Variants in UGT1A4 observed in about 807,000 individuals in gnomAD.
UGT1A4 encodes the protein UDP-glucuronosyltransferase 1A4.
In UGT1A4, 32 loss-of-function variants were observed where a neutral mutation model predicts 41.1. The observed-to-expected ratio is 0.78, with a 90% CI of 0.59 to 1.05. The LOEUF (loss-of-function observed/expected upper bound fraction) is 1.05, where lower values mean the gene tolerates loss of function less well. UGT1A4 is among the 50% of genes least tolerant of loss of function. UGT1A4 has a pLI of 0.00. For synonymous variants in UGT1A4, 283 were observed against 265.1 expected, an observed-to-expected ratio of 1.07 and a Z score of -0.66; for missense variants, 748 against 677.4, an observed-to-expected ratio of 1.10 and a Z score of -1.16.
At position 233,768,249 on chromosome 2, in the gene UGT1A4, C is replaced by T. The variant is rs1699594140; in HGVS notation, c.1117C>T (p.His373Tyr). ...CCCGATGACCCGTGCCTTTATCACC[C>T]ATGCTGGTTCCCATGGTGTTTATGA... Reference protein sequence around the residue: ...GHPMTRAFITHAGSHGVYESI... With the variant: ...GHPMTRAFITYAGSHGVYESI... Residue 373 changes from histidine to tyrosine, a missense_variant, in exon 4 of 5, where the codon CAT (histidine) becomes TAT (tyrosine). His to Tyr is a moderately conservative substitution (Grantham distance 83). Transcript: ENST00000373409. The T allele has an allele frequency of 6.2e-7, 1 of 1,614,198 alleles. No homozygotes were observed. The highest frequency in any genetic ancestry group is 8.5e-7 in the Non-Finnish European group (1 of 1,180,036).
chr2:233,720,168 A>G (rs957295954), intron 1 of UGT1A4, among the ~76,000 whole-genome samples: 6 of 152,154 alleles, frequency 3.9e-5, no homozygotes, highest in Non-Finnish European at 7.3e-5. Context: ...AGTGTCAAAG[A>G]GGTTGACTCA....
intron 1 of UGT1A4, among the ~76,000 whole-genome samples, chr2:233,724,562 G>T (rs1169483427): frequency 1.1e-4 from 14 of 128,924 alleles, no homozygotes; most frequent in Non-Finnish European, 2.0e-4. Flanking sequence ...TCCCAGATGG[G>T]GCGGCGGGGC....
At chr2:233,742,811 A>G (rs1335727618) in intron 1 of UGT1A4, 2 of 153,508 alleles carry the variant, frequency 1.3e-5, no homozygotes, top group Non-Finnish European at 2.9e-5. Flanking sequence ...AAGTATTGAT[A>G]TTATTTGTAG....
At chr2:233,743,407 C>T in intron 1 of UGT1A4, 1 of 1,313,416 alleles carries the variant, frequency 7.6e-7, no homozygotes, top group Non-Finnish European at 1.0e-6. Flanking sequence ...AGAAAGGCCC[C>T]CACTTCCCAG....
chr2:233,750,385 TG>T (rs1415350157), intron 1 of UGT1A4, among the ~76,000 whole-genome samples: 2 of 151,950 alleles, frequency 1.3e-5, no homozygotes, highest in Non-Finnish European at 2.9e-5. Flanking sequence ...CATAAAAGTT[TG>T]GAAAATTTGC....
chr2:233,743,882 C>T (rs779162939), intron 1 of UGT1A4: 31 of 1,366,974 alleles, frequency 2.3e-5, no homozygotes, highest in African/African-American at 3.0e-5. Context: ...TGAGGCCTGC[C>T]GGGGCACGTC....
chr2:233,729,232 A>T, intron 1 of UGT1A4: 1 of 1,614,202 alleles, frequency 6.2e-7, no homozygotes, highest in African/African-American at 1.3e-5. Flanking sequence ...GGTGGTGCCC[A>T]TTGATGGCAG....
At chr2:233,772,139 G>C in intron 4 of UGT1A4, 123 bp from the exon 5 acceptor site, 1 of 1,548,574 alleles carries the variant, frequency 6.5e-7, no homozygotes, top group Non-Finnish European at 8.7e-7. Context: ...AACAATAATA[G>C]AAACAGGTTT....
At chr2:233,754,838 G>A (rs1298035120) in intron 1 of UGT1A4, 8 of 1,343,666 alleles carry the variant, frequency 6.0e-6, no homozygotes, top group South Asian at 1.1e-5. Context: ...GAAATTCACT[G>A]AAGGCAGAGA....
chr2:233,719,086 T>C lies in UGT1A4; in HGVS notation c.266T>C (p.Phe89Ser), dbSNP rs374586565. ...AYAVPWTQKE[F>S]DRVTLGYTQG... The stretch of plus-strand genomic sequence containing the variant: ...GCTGTTCCATGGACCCAGAAGGAAT[T>C]TGATCGCGTTACGCTGGGCTACACT... Residue 89 changes from phenylalanine to serine, a missense_variant, in exon 1 of 5, where the codon TTT becomes TCT. Phe to Ser is a radical substitution (Grantham distance 155). Transcript: ENST00000373409. 69 of 1,614,132 alleles carry C rather than the reference T, an allele frequency of 4.3e-5. No individual in the cohort carries two copies. The highest frequency in any genetic ancestry group is 5.4e-5 in the Non-Finnish European group (64 of 1,180,050).
At chr2:233,740,911 C>A (rs1291553695) in intron 1 of UGT1A4, 2 of 130,742 alleles carry the variant, frequency 1.5e-5, no homozygotes, top group Non-Finnish European at 1.6e-5. Context: ...CAACATTGTT[C>A]CCATCTCCAC....
chr2:233,729,457 T>C, intron 1 of UGT1A4: 1 of 1,614,120 alleles, frequency 6.2e-7, no homozygotes, highest in Non-Finnish European at 8.5e-7. Flanking sequence ...GAAGAAATTT[T>C]TCAGAAGTAT....
intron 1 of UGT1A4, among the ~76,000 whole-genome samples, chr2:233,758,654 A>G (rs1263947791): frequency 6.6e-6 from 1 of 152,140 alleles, no homozygotes; most frequent in Non-Finnish European, 1.5e-5. Flanking sequence ...ATGAGAGGGT[A>G]CCCTAATTAC....
At chr2:233,747,630 C>G in intron 1 of UGT1A4, 1 of 1,577,990 alleles carries the variant, frequency 6.3e-7, no homozygotes, top group Non-Finnish European at 8.7e-7. Flanking sequence ...CCTGATCAGG[C>G]ACCTGAATGC....
In UGT1A4 at chr2:233,769,706, T is replaced by G; in HGVS notation, c.1307+1267T>G. On this transcript the variant is annotated intron_variant, in intron 4 of 4. Transcript: ENST00000373409. The surrounding 1 kb of genome is among the most constrained non-coding windows in gnomAD (Gnocchi z 4.4). ...GGTGGCACTGGATAAAAGATCAATG[T>G]TGGCTAGGCACCATGGCACACGCCT... 6.6e-7 allele frequency: 1 copy of G among 1,515,112 alleles called. No homozygotes were observed. 93.9% of individuals were successfully genotyped at this position (1,515,112 alleles called of 1,614,324 possible).
chr2:233,767,027 G>A lies in UGT1A4; in HGVS notation c.868-7G>A, dbSNP rs753107729. The A allele has an allele frequency of 3.1e-6, 5 of 1,613,804 alleles. No individual in the cohort carries two copies. Among genetic ancestry groups the A allele is most frequent in the Non-Finnish European group, 4.2e-6 (5 of 1,179,992 alleles). On this transcript the variant is annotated splice_region_variant and splice_polypyrimidine_tract_variant and intron_variant, in intron 1 of 4. Coordinates refer to ENST00000373409, the MANE Select transcript of UGT1A4 (RefSeq NM_007120.3). ...AAATTAACTGAAAATTTTTCTTCTG[G>A]CTCTAGGAATTTGAAGCCTACATTA...
intron 1 of UGT1A4, among the ~76,000 whole-genome samples, chr2:233,732,631 T>C (rs1341811470): frequency 6.6e-6 from 1 of 152,240 alleles, no homozygotes; most frequent in Non-Finnish European, 1.5e-5. Context: ...TGTGGTGTTA[T>C]TTCTGAGACC....
chr2:233,768,039 G>T (rs1699553199), intron 3 of UGT1A4, 103 bp downstream of exon 3: 10 of 1,610,920 alleles, frequency 6.2e-6, no homozygotes, highest in Non-Finnish European at 8.5e-6. Flanking sequence ...AAATATTATG[G>T]CCAACATATC....
intron 1 of UGT1A4, among the ~76,000 whole-genome samples, chr2:233,737,934 C>T (rs1461776263): frequency 1.3e-5 from 2 of 152,038 alleles, no homozygotes; most frequent in East Asian, 3.9e-4. Flanking sequence ...AGTAGTGAGT[C>T]CATTGACTGT....
Sources: gnomAD v4.1 joint callset for allele counts (sites outside exome capture counted in the v4.1 genomes callset) on GRCh38, gnomAD v4.1.1 for gene constraint, Gnocchi (gnomAD v3.1) non-coding constraint, MANE v1.5 for transcripts, NCBI Gene and HGNC (gene_info 2026-07-23, HGNC 2026-07-21) for gene names.